USP49: variants seen among roughly 807,000 people sequenced by gnomAD.
USP49 encodes ubiquitin carboxyl-terminal hydrolase 49.
A neutral mutation model predicts 58.6 loss-of-function variants in USP49; 24 were observed. The observed-to-expected ratio is 0.41, with a 90% CI of 0.30 to 0.58. USP49 has a LOEUF of 0.58. Ranked by LOEUF, USP49 falls within the 20% of genes least tolerant of loss-of-function variation. USP49 has a pLI of 0.30. For synonymous variants in USP49, 408 were observed against 365.1 expected (o/e 1.12, Z -1.34); for missense variants, 703 against 866.1 (o/e 0.81, Z 2.36).
intron 3 of USP49, among the ~76,000 whole-genome samples, chr6:41,839,786 G>T (rs1428211712): frequency 6.7e-6 from 1 of 150,288 alleles, no homozygotes; most frequent in Non-Finnish European, 1.5e-5. Flanking sequence ...TGGGAGCTAA[G>T]CTGTGAGGAT....
At chr6:41,879,766 C>T (rs761703417) in intron 2 of USP49, among the ~76,000 whole-genome samples, 1 of 152,238 alleles carries the variant, frequency 6.6e-6, no homozygotes, top group Non-Finnish European at 1.5e-5. Context: ...CCAAATGATA[C>T]AGCCAGGTTT....
chr6:41,872,113 T>C (rs1774420892), intron 2 of USP49, among the ~76,000 whole-genome samples: 1 of 152,218 alleles, frequency 6.6e-6, no homozygotes, highest in Non-Finnish European at 1.5e-5. Flanking sequence ...CATGCTTCTT[T>C]AAAAGCGGTA....
intron 2 of USP49, among the ~76,000 whole-genome samples, chr6:41,880,345 T>TGG (rs1285305185): frequency 2.6e-5 from 4 of 151,938 alleles, no homozygotes; most frequent in African/African-American, 9.7e-5. Context: ...CAGAGAAAAC[T>TGG]GGGGGCAAGG....
At chr6:41,890,583 C>T (rs1027400531) in intron 2 of USP49, among the ~76,000 whole-genome samples, 13 of 152,080 alleles carry the variant, frequency 8.5e-5, no homozygotes, top group African/African-American at 1.4e-4. Context: ...TGTGATGGCA[C>T]ACATCTGTAG....
chr6:41,872,584 T>C (rs1774430677), intron 2 of USP49, among the ~76,000 whole-genome samples: 2 of 150,366 alleles, frequency 1.3e-5, no homozygotes, highest in Non-Finnish European at 3.0e-5. Context: ...CATATATATA[T>C]ATAAAAAGAA....
At chr6:41,838,754 G>A (rs1773769444) in intron 3 of USP49, among the ~76,000 whole-genome samples, 1 of 152,070 alleles carries the variant, frequency 6.6e-6, no homozygotes, top group South Asian at 2.1e-4. Context: ...CCCCAACAAT[G>A]GATCCAAACC....
rs771965024 is a variant in USP49 at position 41,803,884 on chromosome 6, A to G, written c.1483T>C (p.Leu495=). The G allele has an allele frequency of 6.2e-7, 1 of 1,614,210 alleles. No individual in the cohort carries two copies. The highest frequency in any genetic ancestry group is 1.1e-5 in the South Asian group (1 of 91,084). The part of the protein sequence containing the change: ...GFVPLNQTEC[L]LTEMLAKFTE... ...AATTTGGCCAGCATCTCAGTGAGCAAGCACTCTGTTTGATTCAAAGGGACA... is the reference window on the plus strand; with the variant it reads ...AATTTGGCCAGCATCTCAGTGAGCAGGCACTCTGTTTGATTCAAAGGGACA... The change falls in exon 5 of 8, where the codon TTG becomes CTG. Residue 495 remains leucine (L), a synonymous_variant. Transcript: ENST00000682992. This position sits in a 1 kb window ranked among gnomAD's most constrained non-coding sequence, Gnocchi z 4.1.
intron 3 of USP49, among the ~76,000 whole-genome samples, chr6:41,848,628 G>A (rs970462835): frequency 6.6e-6 from 1 of 151,920 alleles, no homozygotes; most frequent in African/African-American, 2.4e-5. Flanking sequence ...GGAGGCCAAG[G>A]CACACGGATC....
chr6:41,807,222 TA>T (rs1227605701), intron 3 of USP49, among the ~76,000 whole-genome samples: 1 of 152,058 alleles, frequency 6.6e-6, no homozygotes, highest in Non-Finnish European at 1.5e-5. Flanking sequence ...TTAAATTACT[TA>T]AAAAGGAAGA....
At chr6:41,812,509 C>T (rs1051844037) in intron 3 of USP49, among the ~76,000 whole-genome samples, 12 of 151,556 alleles carry the variant, frequency 7.9e-5, no homozygotes, top group Admixed American at 2.6e-4. Flanking sequence ...CTGGATAACA[C>T]GGTGAAACCC....
chr6:41,847,795 G>A (rs1773949477), intron 3 of USP49, among the ~76,000 whole-genome samples: 1 of 152,096 alleles, frequency 6.6e-6, no homozygotes, highest in Non-Finnish European at 1.5e-5. Flanking sequence ...GCACGATCAG[G>A]ACAACACATT....
At position 41,870,646 on chromosome 6, in the gene USP49, G is replaced by C. The variant is rs542088346; in HGVS notation, c.-29+918C>G. On this transcript the variant is annotated intron_variant, in intron 3 of 7. Coordinates refer to ENST00000682992, the MANE Select transcript of USP49 (RefSeq NM_001286554.2). ...CAATCTCCTGGGCTCAAGCAATCCT[G>C]TCACCTTAGCCTCCCGAGTAGCTAG... Among the ~76,000 whole-genome samples the C allele has an allele frequency of 1.7e-3, 253 of 147,966 alleles. 1 individual carries two copies. The highest frequency in any genetic ancestry group is 5.8e-3 in the African/African-American group (234 of 40,090).
intron 3 of USP49, among the ~76,000 whole-genome samples, chr6:41,820,221 T>C (rs1460059508): frequency 6.6e-6 from 1 of 151,852 alleles, no homozygotes; most frequent in African/African-American, 2.4e-5. Flanking sequence ...ATAATTGACA[T>C]ACAGTGAGCT....
At chr6:41,856,027 GAC>G (rs1425216479) in intron 3 of USP49, among the ~76,000 whole-genome samples, 3 of 150,114 alleles carry the variant, frequency 2.0e-5, no homozygotes, top group Non-Finnish European at 4.4e-5. Flanking sequence ...CAGCCTAGGC[GAC>G]AGAGTGAGAC....
chr6:41,814,653 G>A (rs945062691), intron 3 of USP49, among the ~76,000 whole-genome samples: 1 of 109,504 alleles, frequency 9.1e-6, no homozygotes, highest in Admixed American at 1.1e-4. Flanking sequence ...GAAAAAAAGA[G>A]GGTAAATCTA....
At chr6:41,867,669 G>A (rs1774343312) in intron 3 of USP49, among the ~76,000 whole-genome samples, 1 of 151,692 alleles carries the variant, frequency 6.6e-6, no homozygotes, top group South Asian at 2.1e-4. Context: ...GGAGAATGGC[G>A]TGAACCCAGG....
intron 3 of USP49, among the ~76,000 whole-genome samples, chr6:41,860,745 C>T (rs1345332128): frequency 6.6e-6 from 1 of 151,938 alleles, no homozygotes; most frequent in East Asian, 1.9e-4. Flanking sequence ...CTCCTCACCT[C>T]GTGATCCACC....
At chr6:41,856,019 GC>G (rs1480090561) in intron 3 of USP49, among the ~76,000 whole-genome samples, 1 of 151,124 alleles carries the variant, frequency 6.6e-6, no homozygotes, top group Non-Finnish European at 1.5e-5. Context: ...CTGCATTCCA[GC>G]CTAGGCGACA....
chr6:41,894,771 G>C (rs1774868217), intron 1 of USP49, among the ~76,000 whole-genome samples: 1 of 151,390 alleles, frequency 6.6e-6, no homozygotes, highest in Non-Finnish European at 1.5e-5. Flanking sequence ...CTCATTCCCT[G>C]CCCGGCTTCC....
Sources: gnomAD v4.1 joint callset for allele counts (sites outside exome capture counted in the v4.1 genomes callset) on GRCh38, gnomAD v4.1.1 for gene constraint, Gnocchi (gnomAD v3.1) non-coding constraint, MANE v1.5 for transcripts, NCBI Gene and HGNC (gene_info 2026-07-23, HGNC 2026-07-21) for gene names.